The following SERF1A variants were observed in gnomAD, a reference collection of about 807,000 sequenced individuals.
SERF1A encodes small EDRK-rich factor 1A.
downstream of SERF1A, among the ~76,000 whole-genome samples, chr5:70,912,057 A>ACACTCACT (rs1184160284): frequency 5.4e-5 from 1 of 18,602 alleles, no homozygotes; most frequent in African/African-American, 2.1e-4. Context: ...ACACACACAC[A>ACACTCACT]CTCTCTCTCT....
intron 2 of SERF1A, among the ~76,000 whole-genome samples, chr5:70,913,378 C>CA (rs878903389): frequency 0.61 from 35,354 of 58,404 alleles, 8,485 homozygotes; most frequent in East Asian, 0.77. Flanking sequence ...GACTCTGTCT[C>CA]AAAAAAAAAA....
At chr5:70,909,379 G>T (rs1749086576), downstream of SERF1A, among the ~76,000 whole-genome samples, 4 of 151,858 alleles carry the variant, frequency 2.6e-5, no homozygotes, top group Admixed American at 2.6e-4. Context: ...CCACCCGGCT[G>T]AAGTTTTTTA....
At position 70,904,258 on chromosome 5, in the gene SERF1A, A is replaced by G. The variant is rs1312332327; in HGVS notation, c.116+2325A>G. 2.2e-4 allele frequency among the ~76,000 whole-genome samples: 4 copies of G among 18,366 alleles called. 2 individuals carry two copies. The highest frequency in any genetic ancestry group is 2.0e-3 in the African/African-American group (4 of 2,030). The allele number at this position is 18,366 out of a possible 152,430, so 12.0% of individuals were successfully genotyped here. Reference sequence around the variant, plus strand: ...AAAATACAAAAAATTAGTCGGGCGCAGTGGCGGGCGCCTGTAGTCCCAGCT... The same window carrying G: ...AAAATACAAAAAATTAGTCGGGCGCGGTGGCGGGCGCCTGTAGTCCCAGCT... On this transcript the variant is annotated intron_variant, in intron 2 of 2. Coordinates refer to ENST00000317633, the MANE Select transcript of SERF1A (RefSeq NM_022968.2).
chr5:70,912,057 A>ACACACACACACACTCT (rs1184160284), downstream of SERF1A, among the ~76,000 whole-genome samples: 7 of 18,604 alleles, frequency 3.8e-4, no homozygotes, highest in African/African-American at 1.4e-3. Flanking sequence ...ACACACACAC[A>ACACACACACACACTCT]CTCTCTCTCT....
downstream of SERF1A, among the ~76,000 whole-genome samples, chr5:70,912,057 A>ACACACT (rs1184160284): frequency 4.4e-3 from 81 of 18,604 alleles, 6 homozygotes; most frequent in African/African-American, 0.015. Context: ...ACACACACAC[A>ACACACT]CTCTCTCTCT....
chr5:70,909,677 CT>C (rs1166962287), downstream of SERF1A, among the ~76,000 whole-genome samples: 7 of 61,196 alleles, frequency 1.1e-4, no homozygotes, highest in African/African-American at 1.7e-4. Flanking sequence ...TTTTCTTTGC[CT>C]TTTTTTTTAA....
downstream of SERF1A, among the ~76,000 whole-genome samples, chr5:70,911,946 A>G (rs879558244): frequency 1.8e-4 from 4 of 22,094 alleles, no homozygotes; most frequent in Admixed American, 1.9e-3. Flanking sequence ...TCAAGGCTGC[A>G]GTGAGCCGAG....
chr5:70,913,203 AC>A (rs1199685577), intron 2 of SERF1A, among the ~76,000 whole-genome samples: 4 of 138,234 alleles, frequency 2.9e-5, no homozygotes, highest in Non-Finnish European at 6.4e-5. Context: ...ACATGGTGAA[AC>A]CCCGTCTCTA....
downstream of SERF1A, among the ~76,000 whole-genome samples, chr5:70,910,798 A>ATTTTTTTTTTTTT (rs1249752268): frequency 1.9e-4 from 4 of 20,924 alleles, no homozygotes; most frequent in African/African-American, 2.9e-4. Flanking sequence ...TATTATTATT[A>ATTTTTTTTTTTTT]TTTTTTTTTT....
chr5:70,913,390 A>C (rs1373896337), intron 2 of SERF1A, among the ~76,000 whole-genome samples: 6 of 144,080 alleles, frequency 4.2e-5, no homozygotes, highest in East Asian at 2.1e-4. Flanking sequence ...AAAAAAAAAA[A>C]AAAAAAAAAA....
intron 2 of SERF1A, among the ~76,000 whole-genome samples, chr5:70,913,212 C>T: frequency 7.4e-6 from 1 of 135,612 alleles, no homozygotes; most frequent in Non-Finnish European, 1.6e-5. Flanking sequence ...AACCCCGTCT[C>T]TACTAAAAAT....
At chr5:70,909,082 GT>G (rs1239868777), downstream of SERF1A, among the ~76,000 whole-genome samples, 2,660 of 52,928 alleles carry the variant, frequency 0.05, no homozygotes, top group Non-Finnish European at 0.074. Flanking sequence ...TTTGTGGGGT[GT>G]TTTTTTTTTT....
intron 2 of SERF1A, among the ~76,000 whole-genome samples, chr5:70,913,400 A>AAAC (rs1491351734): frequency 4.3e-5 from 6 of 139,796 alleles, no homozygotes; most frequent in African/African-American, 1.6e-4. Context: ...AAAAAAAAAA[A>AAAC]CATACAAACC....
At chr5:70,917,341 CT>C (rs1393891467) in exon 3 of SERF1A, 17,636 of 83,488 alleles carry the variant, frequency 0.21, 11 homozygotes, top group South Asian at 0.26. Context: ...TAACTTAGCA[CT>C]TTTTTTTTTT....
At chr5:70,912,057 A>ACACACACACACTCTCTCT (rs1184160284), downstream of SERF1A, among the ~76,000 whole-genome samples, 2 of 18,600 alleles carry the variant, frequency 1.1e-4, no homozygotes, top group African/African-American at 4.1e-4. Context: ...ACACACACAC[A>ACACACACACACTCTCTCT]CTCTCTCTCT....
downstream of SERF1A, among the ~76,000 whole-genome samples, chr5:70,912,087 A>T: frequency 9.0e-5 from 3 of 33,424 alleles, no homozygotes; most frequent in African/African-American, 4.8e-4. Context: ...TCTCTCAAAA[A>T]CACTTGGTCT....
At chr5:70,910,795 A>ATTT (rs1413382425), downstream of SERF1A, among the ~76,000 whole-genome samples, 13 of 24,418 alleles carry the variant, frequency 5.3e-4, no homozygotes, top group African/African-American at 7.9e-4. Context: ...TATTATTATT[A>ATTT]TTATTTTTTT....
chr5:70,913,196 T>C (rs1479842765), intron 2 of SERF1A, among the ~76,000 whole-genome samples: 2 of 139,072 alleles, frequency 1.4e-5, no homozygotes, highest in African/African-American at 2.5e-5. Context: ...CTGGCCAACA[T>C]GGTGAAACCC....
At chr5:70,912,055 A>ACTCTCTCTCTCTCTCT (rs1373795637), downstream of SERF1A, among the ~76,000 whole-genome samples, 12 of 30,394 alleles carry the variant, frequency 3.9e-4, no homozygotes, top group African/African-American at 1.2e-3. Context: ...ACACACACAC[A>ACTCTCTCTCTCTCTCT]CACTCTCTCT....
Sources: gnomAD v4.1 joint callset for allele counts (sites outside exome capture counted in the v4.1 genomes callset) on GRCh38, gnomAD v4.1.1 for gene constraint, MANE v1.5 for transcripts, NCBI Gene and HGNC (gene_info 2026-07-23, HGNC 2026-07-21) for gene names.